PROS1: variants seen among roughly 807,000 people sequenced by gnomAD.
The protein encoded by PROS1 is vitamin K-dependent protein S.
A neutral mutation model predicts 75.9 loss-of-function variants in PROS1; 29 were observed. That is an observed-to-expected ratio of 0.38 (90% confidence interval 0.28 to 0.52). The LOEUF is 0.52. Ranked by LOEUF, PROS1 falls within the 20% of genes least tolerant of loss-of-function variation. The pLI is 0.83. For missense variants in PROS1, 680 were observed against 810.3 expected, an observed-to-expected ratio of 0.84 and a Z score of 1.95; for synonymous variants, 245 against 280.6, an observed-to-expected ratio of 0.87 and a Z score of 1.27.
chr3:93,886,549 T>A, intron 10 of PROS1, 46 bp from the exon 11 acceptor site: 1 of 1,428,876 alleles, frequency 7.0e-7, no homozygotes, highest in East Asian at 2.3e-5. Flanking sequence ...TATTACTACA[T>A]GTCATTTGAA....
chr3:93,969,547 C>G (rs1355860314), intron 1 of PROS1, among the ~76,000 whole-genome samples: 1 of 152,102 alleles, frequency 6.6e-6, no homozygotes, highest in African/African-American at 2.4e-5. Flanking sequence ...TCAGGGCCTC[C>G]TAGGAATTTG....
chr3:93,954,983 C>G (rs992515824), intron 1 of PROS1, among the ~76,000 whole-genome samples: 4 of 152,222 alleles, frequency 2.6e-5, no homozygotes, highest in Admixed American at 2.6e-4. Context: ...AAATGCTCAT[C>G]ATCACTGGCC....
intron 1 of PROS1, among the ~76,000 whole-genome samples, chr3:93,947,204 C>T (rs908599182): frequency 6.6e-6 from 1 of 152,180 alleles, no homozygotes; most frequent in African/African-American, 2.4e-5. Context: ...TAGGAAGGAA[C>T]ACTTTTACTC....
intron 1 of PROS1, among the ~76,000 whole-genome samples, chr3:93,964,388 T>TG (rs977988685): frequency 1.6e-4 from 24 of 152,130 alleles, no homozygotes; most frequent in African/African-American, 5.6e-4. Context: ...AATTCATTCC[T>TG]GGGGGGCCGC....
intron 3 of PROS1, among the ~76,000 whole-genome samples, chr3:93,912,150 G>A (rs539947718): frequency 6.6e-6 from 1 of 152,152 alleles, no homozygotes; most frequent in South Asian, 2.1e-4. Context: ...GAGACTTCAA[G>A]GAAGAATCCC....
chr3:93,889,437 C>T (rs1417309653), intron 10 of PROS1, among the ~76,000 whole-genome samples: 1 of 152,028 alleles, frequency 6.6e-6, no homozygotes, highest in African/African-American at 2.4e-5. Context: ...TAATATTAGA[C>T]TCATAATCAA....
At chr3:93,941,907 G>A (rs370899876) in intron 1 of PROS1, among the ~76,000 whole-genome samples, 31 of 152,004 alleles carry the variant, frequency 2.0e-4, no homozygotes, top group East Asian at 1.7e-3. Flanking sequence ...TCTGCTACCC[G>A]GCTCCTTCAG....
At chr3:93,904,433 T>C (rs1357242307) in intron 6 of PROS1, among the ~76,000 whole-genome samples, 4 of 152,220 alleles carry the variant, frequency 2.6e-5, no homozygotes, top group Admixed American at 1.3e-4. Flanking sequence ...TTGTTGTTAA[T>C]GTAGTTCACT....
At chr3:93,936,051 C>T (rs1482732175) in intron 1 of PROS1, among the ~76,000 whole-genome samples, 1 of 149,616 alleles carries the variant, frequency 6.7e-6, no homozygotes, top group African/African-American at 2.5e-5. Flanking sequence ...TTTCATTGTA[C>T]TTGGCAAGGT....
At chr3:93,897,012 T>A (rs1708511175) in intron 8 of PROS1, among the ~76,000 whole-genome samples, 1 of 152,184 alleles carries the variant, frequency 6.6e-6, no homozygotes, top group African/African-American at 2.4e-5. Context: ...AATATATATT[T>A]CTTTAATTAA....
Position 93,886,320 on chromosome 3 carries a change from A to G in PROS1, c.1323+16T>C. The G allele has an allele frequency of 6.2e-7, 1 of 1,610,740 alleles. No individual in the cohort carries two copies. Among genetic ancestry groups the G allele is most frequent in the East Asian group, 2.2e-5 (1 of 44,768 alleles). ...GGAACTCATCCATGATGAATGATACAAGCTTGGATCATTACCGGTTTAATG... is the reference window on the plus strand; with the variant it reads ...GGAACTCATCCATGATGAATGATACGAGCTTGGATCATTACCGGTTTAATG... On this transcript the variant is annotated intron_variant, in intron 11 of 14. Transcript: ENST00000394236.
At chr3:93,955,192 G>C (rs1323491403) in intron 1 of PROS1, among the ~76,000 whole-genome samples, 1 of 152,170 alleles carries the variant, frequency 6.6e-6, no homozygotes, top group Non-Finnish European at 1.5e-5. Context: ...TCTAGAACTA[G>C]AAATACCAAT....
At chr3:93,880,009 T>TC (rs1347185125) in intron 12 of PROS1, among the ~76,000 whole-genome samples, 1 of 152,208 alleles carries the variant, frequency 6.6e-6, no homozygotes, top group Non-Finnish European at 1.5e-5. Flanking sequence ...CCAGAATAGT[T>TC]GGATTACTAA....
rs899988923 is a variant in PROS1, at chr3:93,876,832, C to G, written c.1870+134G>C. ...TATGCCAATAAAATGTCGGTACTAG[C>G]CCCTAGAAAAAGAATAATGAATACT... On this transcript the variant is annotated intron_variant, in intron 14 of 14. Coordinates refer to ENST00000394236, the MANE Select transcript of PROS1 (RefSeq NM_000313.4). 9.9e-6 allele frequency: 6 copies of G among 607,194 alleles called. No individual in the cohort carries two copies. In the African/African-American group the frequency reaches 1.1e-4, roughly 11 times the overall value. The allele number at this position is 607,194 out of a possible 1,614,324, so 37.6% of individuals were successfully genotyped here.
chr3:93,919,063 T>C (rs772211238), intron 3 of PROS1, among the ~76,000 whole-genome samples: 31 of 152,198 alleles, frequency 2.0e-4, no homozygotes, highest in Admixed American at 4.6e-4. Context: ...ACCACCACTT[T>C]ATAATTCTCT....
chr3:93,972,581 G>A (rs1169048894), intron 1 of PROS1, among the ~76,000 whole-genome samples: 4 of 151,914 alleles, frequency 2.6e-5, no homozygotes, highest in Non-Finnish European at 5.9e-5. Flanking sequence ...GCTCACGCCT[G>A]TAATCCCAGC....
chr3:93,898,588 AC>A lies in PROS1; in HGVS notation c.728-20del. On this transcript the variant is annotated intron_variant, in intron 7 of 14. Transcript: ENST00000394236. ...TCTATATCTGAGGTAAAAAAAACACACGCACACAAACTTTAATATCCCCTAA... is the reference window on the plus strand; with the variant it reads ...TCTATATCTGAGGTAAAAAAAACACAGCACACAAACTTTAATATCCCCTAA... The A allele has an allele frequency of 1.2e-6, 2 of 1,611,192 alleles. No individual in the cohort carries two copies. Among genetic ancestry groups the A allele is most frequent in the Non-Finnish European group, 1.7e-6 (2 of 1,177,914 alleles).
At chr3:93,903,489 C>A (rs966142233) in intron 6 of PROS1, among the ~76,000 whole-genome samples, 1 of 152,004 alleles carries the variant, frequency 6.6e-6, no homozygotes, top group African/African-American at 2.4e-5. Context: ...TATGACAAAA[C>A]TCCATCTGTC....
chr3:93,909,913 A>C (rs928441319), intron 4 of PROS1, among the ~76,000 whole-genome samples: 2 of 152,142 alleles, frequency 1.3e-5, no homozygotes, highest in African/African-American at 4.8e-5. Context: ...TTCTTTCGTA[A>C]ATTTTAAGAA....
Sources: gnomAD v4.1 joint callset for allele counts (sites outside exome capture counted in the v4.1 genomes callset) on GRCh38, gnomAD v4.1.1 for gene constraint, MANE v1.5 for transcripts, NCBI Gene and HGNC (gene_info 2026-07-23, HGNC 2026-07-21) for gene names.